FAM13A: variants seen among roughly 807,000 people sequenced by gnomAD.
FAM13A encodes family with sequence similarity 13 member A, also known as protein FAM13A.
Under a neutral mutation model 129.6 loss-of-function variants are expected in FAM13A, and 76 were observed. That is an observed-to-expected ratio of 0.59 (90% CI 0.49 to 0.71). The LOEUF (loss-of-function observed/expected upper bound fraction) is 0.71, where lower values mean the gene tolerates loss of function less well. Among genes scored for constraint, FAM13A ranks in the 30% least tolerant of loss-of-function variants. The probability of loss-of-function intolerance (pLI) is 0.00; values close to 1 mark genes in which losing one functional copy is unlikely to be tolerated. For missense variants in FAM13A, 1,108 were observed against 1,249.3 expected (o/e 0.89, Z 1.70); for synonymous variants, 443 against 449.9 (o/e 0.98, Z 0.20).
At chr4:89,051,325 C>T (rs1169807154) in intron 1 of FAM13A, among the ~76,000 whole-genome samples, 1 of 152,064 alleles carries the variant, frequency 6.6e-6, no homozygotes, top group Non-Finnish European at 1.5e-5. Flanking sequence ...TCTCTGGGGT[C>T]TCTTTTATAG....
intron 7 of FAM13A, among the ~76,000 whole-genome samples, chr4:88,825,667 T>C (rs551470030): frequency 2.2e-4 from 33 of 152,096 alleles, no homozygotes; most frequent in African/African-American, 8.0e-4. Context: ...GACCCAGCAT[T>C]AAAAAAAATG....
At chr4:88,988,518 C>T (rs573916499) in intron 4 of FAM13A, among the ~76,000 whole-genome samples, 3 of 151,952 alleles carry the variant, frequency 2.0e-5, no homozygotes, top group African/African-American at 7.2e-5. Flanking sequence ...TCAAATGGTT[C>T]AACAAAAAAT....
chr4:88,883,025 T>C (rs1743844168), intron 6 of FAM13A, among the ~76,000 whole-genome samples: 1 of 152,060 alleles, frequency 6.6e-6, no homozygotes, highest in Non-Finnish European at 1.5e-5. Flanking sequence ...TAATTACTAC[T>C]ACACCTAAGA....
At chr4:88,790,504 CTTT>C in intron 9 of FAM13A, 79 bp downstream of exon 9, 1 of 1,151,698 alleles carries the variant, frequency 8.7e-7, no homozygotes, top group Non-Finnish European at 1.3e-6. Flanking sequence ...ATTAGAGTTG[CTTT>C]TTTTTTCTGT....
intron 5 of FAM13A, among the ~76,000 whole-genome samples, chr4:88,908,338 A>G (rs1037439543): frequency 6.6e-6 from 1 of 152,220 alleles, no homozygotes; most frequent in Non-Finnish European, 1.5e-5. Flanking sequence ...TGGATAACAC[A>G]ATTATGCTTT....
intron 4 of FAM13A, among the ~76,000 whole-genome samples, chr4:88,984,712 T>C (rs966574185): frequency 2.0e-5 from 3 of 152,228 alleles, no homozygotes; most frequent in African/African-American, 7.2e-5. Flanking sequence ...TATATTTTTG[T>C]CTTTTGCCAT....
At chr4:88,906,611 C>A in intron 5 of FAM13A, 149 bp from the exon 6 acceptor site, 1 of 603,622 alleles carries the variant, frequency 1.7e-6, no homozygotes. Context: ...AGTACGGAGT[C>A]AAAACTTTTC....
At chr4:88,841,880 T>C (rs373830663) in intron 7 of FAM13A, among the ~76,000 whole-genome samples, 1 of 152,182 alleles carries the variant, frequency 6.6e-6, no homozygotes, top group East Asian at 1.9e-4. Context: ...TAACATATGA[T>C]TCAGCAATTC....
intron 6 of FAM13A, among the ~76,000 whole-genome samples, chr4:88,865,036 G>GA (rs1456460659): frequency 6.6e-6 from 1 of 152,054 alleles, no homozygotes; most frequent in Non-Finnish European, 1.5e-5. Flanking sequence ...AAGTATCTGC[G>GA]AAAAAATGTA....
chr4:88,765,709 A>T (rs1745603138), intron 13 of FAM13A, among the ~76,000 whole-genome samples: 1 of 152,256 alleles, frequency 6.6e-6, no homozygotes, highest in Non-Finnish European at 1.5e-5. Context: ...AGTAGAAATC[A>T]TCCCAATCTT....
intron 20 of FAM13A, 152 bp downstream of exon 20, chr4:88,738,878 T>G (rs1303060437): frequency 1.7e-6 from 1 of 598,524 alleles, no homozygotes; most frequent in African/African-American, 1.9e-5. Context: ...AAGTCTTCAT[T>G]CCTCAAGCTT....
intron 7 of FAM13A, among the ~76,000 whole-genome samples, chr4:88,813,316 A>G (rs1006191239): frequency 2.6e-5 from 4 of 152,212 alleles, no homozygotes; most frequent in Non-Finnish European, 5.9e-5. Flanking sequence ...GATCTTGTTC[A>G]GAAAAGTGAT....
intron 4 of FAM13A, among the ~76,000 whole-genome samples, chr4:88,944,013 A>T (rs962076669): frequency 6.6e-6 from 1 of 152,234 alleles, no homozygotes; most frequent in Non-Finnish European, 1.5e-5. Context: ...TCTGAAATTC[A>T]AAAACTATAC....
chr4:88,910,510 G>T (rs73843726), intron 5 of FAM13A, among the ~76,000 whole-genome samples: 1 of 152,020 alleles, frequency 6.6e-6, no homozygotes, highest in Non-Finnish European at 1.5e-5. Flanking sequence ...ACTGGAGCAG[G>T]TTATCTTCCC....
chr4:88,863,191 T>TA (rs569818224), intron 6 of FAM13A, among the ~76,000 whole-genome samples: 7 of 152,190 alleles, frequency 4.6e-5, no homozygotes, highest in Admixed American at 3.9e-4. Context: ...GGTGGGAACT[T>TA]ACAGCCTCTA....
At chr4:88,783,170 AATTT>A (rs1459869750) in intron 10 of FAM13A, among the ~76,000 whole-genome samples, 4 of 152,120 alleles carry the variant, frequency 2.6e-5, no homozygotes, top group African/African-American at 9.6e-5. Context: ...ATGTATAATT[AATTT>A]ATTTTTTATT....
chr4:88,953,008 T>C lies in FAM13A; in HGVS notation c.606-14767A>G, dbSNP rs550740967. Among the ~76,000 whole-genome samples the C allele has an allele frequency of 3.7e-4, 56 of 152,274 alleles. 1 individual carries two copies. The highest frequency in any genetic ancestry group is 1.3e-3 in the African/African-American group (54 of 41,556). Reference sequence around the variant, plus strand: ...TAATTTGAATTTCAGCTCTTTGCCTTTGTAAATAAATATTTTACAGCATCA... The same window carrying C: ...TAATTTGAATTTCAGCTCTTTGCCTCTGTAAATAAATATTTTACAGCATCA... On this transcript the variant is annotated intron_variant, in intron 4 of 23. Coordinates refer to ENST00000264344, the MANE Select transcript of FAM13A (RefSeq NM_014883.4).
chr4:88,732,941 G>A (rs969399930), intron 21 of FAM13A, among the ~76,000 whole-genome samples: 2 of 151,446 alleles, frequency 1.3e-5, no homozygotes, highest in African/African-American at 4.9e-5. Flanking sequence ...CCAATTTAAG[G>A]CTATGTAAGC....
chr4:88,865,590 T>C (rs1180149227), intron 6 of FAM13A, among the ~76,000 whole-genome samples: 1 of 152,218 alleles, frequency 6.6e-6, no homozygotes, highest in African/African-American at 2.4e-5. Context: ...TACATCAATC[T>C]ACAGCAATTA....
Sources: gnomAD v4.1 joint callset for allele counts (sites outside exome capture counted in the v4.1 genomes callset) on GRCh38, gnomAD v4.1.1 for gene constraint, MANE v1.5 for transcripts, NCBI Gene and HGNC (gene_info 2026-07-23, HGNC 2026-07-21) for gene names.